Variants in LDB2 observed in about 807,000 individuals in gnomAD.
The protein encoded by LDB2 is LIM domain binding 2.
A neutral mutation model predicts 44.3 loss-of-function variants in LDB2; 12 were observed. That is an observed-to-expected ratio of 0.27 (90% confidence interval 0.17 to 0.44). The LOEUF is 0.44. Among genes scored for constraint, LDB2 ranks in the 20% least tolerant of loss-of-function variants. The pLI is 1.00. For missense variants in LDB2, 344 were observed against 473.5 expected (o/e 0.73, Z 2.54); for synonymous variants, 164 against 174.8 (o/e 0.94, Z 0.49).
chr4:16,671,711 C>T (rs1292559498), intron 2 of LDB2, among the ~76,000 whole-genome samples: 1 of 152,010 alleles, frequency 6.6e-6, no homozygotes, highest in African/African-American at 2.4e-5. Context: ...GGGCTGGGTC[C>T]ATGCCATTGC....
intron 1 of LDB2, among the ~76,000 whole-genome samples, chr4:16,787,254 T>A (rs993057669): frequency 2.0e-5 from 3 of 152,154 alleles, no homozygotes; most frequent in East Asian, 1.9e-4. Flanking sequence ...ACCATCAAGA[T>A]GCAATCCTGC....
intron 1 of LDB2, among the ~76,000 whole-genome samples, chr4:16,798,216 T>C (rs1318979962): frequency 6.6e-6 from 1 of 152,130 alleles, no homozygotes; most frequent in Non-Finnish European, 1.5e-5. Context: ...AAATGACTTT[T>C]TGAGGGCTTT....
intron 2 of LDB2, among the ~76,000 whole-genome samples, chr4:16,608,243 C>G (rs1032525091): frequency 6.7e-6 from 1 of 150,318 alleles, no homozygotes; most frequent in African/African-American, 2.5e-5. Flanking sequence ...ATTTGCATGC[C>G]AGGTCAGCAT....
chr4:16,788,065 C>A (rs1160288002), intron 1 of LDB2, among the ~76,000 whole-genome samples: 1 of 152,202 alleles, frequency 6.6e-6, no homozygotes, highest in Non-Finnish European at 1.5e-5. Flanking sequence ...GAAGTCGATC[C>A]TCCCCCCCCT....
chr4:16,886,477 A>G (rs899960236), intron 1 of LDB2, among the ~76,000 whole-genome samples: 2 of 152,204 alleles, frequency 1.3e-5, no homozygotes, highest in Non-Finnish European at 2.9e-5. Flanking sequence ...GTATGTGTGC[A>G]TTAAATTTAT....
chr4:16,508,419 C>T, intron 7 of LDB2, 116 bp downstream of exon 7: 2 of 1,054,900 alleles, frequency 1.9e-6, no homozygotes, highest in Non-Finnish European at 2.6e-6. Flanking sequence ...CCTCCCCCAC[C>T]TCCAACCTGC....
At chr4:16,616,558 G>C (rs140878633) in intron 2 of LDB2, among the ~76,000 whole-genome samples, 2 of 152,084 alleles carry the variant, frequency 1.3e-5, no homozygotes, top group Non-Finnish European at 2.9e-5. Flanking sequence ...ACAGCCACCT[G>C]AGTCTCTGGC....
At position 16,502,497 on chromosome 4, in the gene LDB2, A is replaced by G. The variant is rs1717774765; in HGVS notation, c.*146T>C. 1 of 1,182,472 alleles carries G rather than the reference A, an allele frequency of 8.5e-7. No homozygotes were observed. The highest frequency in any genetic ancestry group is 2.3e-5 in the Admixed American group (1 of 43,516). The allele number at this position is 1,182,472 out of a possible 1,614,324, so 73.2% of individuals were successfully genotyped here. ...TCTCAATTAGAAAAAAAGAAAGAAGAAAGAAAATCAGATCATTGTGGTTTA... is the reference window on the plus strand; with the variant it reads ...TCTCAATTAGAAAAAAAGAAAGAAGGAAGAAAATCAGATCATTGTGGTTTA... On this transcript the variant is annotated 3_prime_UTR_variant, in exon 8 of 8. Coordinates refer to ENST00000304523, the MANE Select transcript of LDB2 (RefSeq NM_001290.5).
At chr4:16,640,367 T>C (rs183493037) in intron 2 of LDB2, among the ~76,000 whole-genome samples, 77 of 152,362 alleles carry the variant, frequency 5.1e-4, no homozygotes, top group African/African-American at 1.8e-3. Context: ...TAGTGGATTA[T>C]AGATCGTTAA....
At chr4:16,804,124 CT>C (rs1479455272) in intron 1 of LDB2, among the ~76,000 whole-genome samples, 3 of 152,032 alleles carry the variant, frequency 2.0e-5, no homozygotes, top group East Asian at 1.9e-4. Context: ...AAAACAGATA[CT>C]TTTTTTCTTT....
At position 16,757,803 on chromosome 4, in the gene LDB2, G is replaced by A. The variant is rs116694722; in HGVS notation, c.235+1355C>T. On this transcript the variant is annotated intron_variant, in intron 2 of 7. Coordinates refer to ENST00000304523, the MANE Select transcript of LDB2 (RefSeq NM_001290.5). Reference sequence around the variant, plus strand: ...GGCTGCTTGGGGGCACCCACACACCGGAGAGCAAGTTAACTCAGCAGGACC... The same window carrying A: ...GGCTGCTTGGGGGCACCCACACACCAGAGAGCAAGTTAACTCAGCAGGACC... Among the ~76,000 whole-genome samples the A allele has an allele frequency of 7.0e-3, 1,064 of 152,206 alleles. 8 individuals are homozygous for A. Among genetic ancestry groups the A allele is most frequent in the Middle Eastern group, 0.02 (6 of 294 alleles).
chr4:16,888,709 TATCGTCGTC>T (rs1259277430), intron 1 of LDB2: 21 of 984,612 alleles, frequency 2.1e-5, no homozygotes, highest in African/African-American at 1.2e-4. Flanking sequence ...AGAATAAGTG[TATCGTCGTC>T]ATCGTCGTCA....
intron 2 of LDB2, among the ~76,000 whole-genome samples, chr4:16,727,200 GCAAAATCCCAGGA>G (rs1759692588): frequency 6.6e-6 from 1 of 152,198 alleles, no homozygotes; most frequent in Non-Finnish European, 1.5e-5. Context: ...CAAAGAGCAT[GCAAAATCCCAGGA>G]CATTAGAAGA....
chr4:16,766,438 ATG>A (rs1198800597), intron 1 of LDB2, among the ~76,000 whole-genome samples: 11 of 144,860 alleles, frequency 7.6e-5, no homozygotes, highest in African/African-American at 1.6e-4. Flanking sequence ...AAATGTATGT[ATG>A]TGTGTGTATA....
At chr4:16,559,980 A>C (rs1178449812) in intron 5 of LDB2, among the ~76,000 whole-genome samples, 2 of 152,174 alleles carry the variant, frequency 1.3e-5, no homozygotes, top group South Asian at 2.1e-4. Flanking sequence ...GGTACATAAC[A>C]AAATGAAGGC....
intron 1 of LDB2, among the ~76,000 whole-genome samples, chr4:16,764,943 C>G (rs145862648): frequency 1.7e-3 from 261 of 152,326 alleles, no homozygotes; most frequent in Middle Eastern, 3.4e-3. Context: ...GCTGATCACT[C>G]TTACTCCACA....
intron 1 of LDB2, among the ~76,000 whole-genome samples, chr4:16,800,109 T>G (rs752770991): frequency 3.3e-5 from 5 of 151,856 alleles, no homozygotes; most frequent in Non-Finnish European, 7.4e-5. Flanking sequence ...AAATATAGAT[T>G]TCCAGAACCC....
chr4:16,669,118 A>G (rs1375993371), intron 2 of LDB2, among the ~76,000 whole-genome samples: 1 of 152,238 alleles, frequency 6.6e-6, no homozygotes, highest in African/African-American at 2.4e-5. Flanking sequence ...TTGAGCAACC[A>G]AAGCAAGAAT....
chr4:16,529,359 G>C (rs1276606007), intron 5 of LDB2, among the ~76,000 whole-genome samples: 1 of 152,148 alleles, frequency 6.6e-6, no homozygotes, highest in Non-Finnish European at 1.5e-5. Flanking sequence ...TAGGCAAGCA[G>C]AGAAACAAAT....
Sources: allele counts gnomAD v4.1 joint callset (sites outside exome capture counted in the v4.1 genomes callset), GRCh38; gene constraint gnomAD v4.1.1; transcripts MANE v1.5; gene names NCBI Gene and HGNC (gene_info 2026-07-23, HGNC 2026-07-21).